Variants in PDE3B observed in about 807,000 individuals in gnomAD.
PDE3B encodes cGMP-inhibited 3',5'-cyclic phosphodiesterase 3B.
Under a neutral mutation model 116.8 loss-of-function variants are expected in PDE3B, and 66 were observed. That is an observed-to-expected ratio of 0.56 (90% CI 0.46 to 0.69). PDE3B has a LOEUF of 0.69. PDE3B is among the 30% of genes least tolerant of loss of function. The pLI is 0.00. For synonymous variants in PDE3B, 595 were observed against 533.6 expected (o/e 1.12, Z -1.59); for missense variants, 1,384 against 1,368.1 (o/e 1.01, Z -0.18).
At chr11:14,887,671 C>T in the PDE3B span, 173 of 983,908 alleles carry the variant, frequency 1.8e-4, no homozygotes, top group South Asian at 6.1e-4. Context: ...TTTCCCTCAC[C>T]CAAACCAGCC....
intron 1 of PDE3B, among the ~76,000 whole-genome samples, chr11:14,683,847 A>G (rs1854786625): frequency 1.3e-5 from 2 of 152,198 alleles, no homozygotes; most frequent in Admixed American, 1.3e-4. Flanking sequence ...GCTGTGTGCC[A>G]TAAATTTTGA....
chr11:14,781,749 A>G (rs1312478688), intron 2 of PDE3B, among the ~76,000 whole-genome samples: 1 of 152,226 alleles, frequency 6.6e-6, no homozygotes, highest in Non-Finnish European at 1.5e-5. Flanking sequence ...GAAAAACAGC[A>G]CAAGACAGGG....
chr11:14,785,129 T>A (rs1162271418), intron 2 of PDE3B, among the ~76,000 whole-genome samples: 1 of 152,128 alleles, frequency 6.6e-6, no homozygotes, highest in Non-Finnish European at 1.5e-5. Context: ...ATTAGAAGTG[T>A]AGATTTGATC....
At chr11:14,690,612 C>G (rs1209772063) in intron 1 of PDE3B, among the ~76,000 whole-genome samples, 1 of 137,820 alleles carries the variant, frequency 7.3e-6, no homozygotes, top group African/African-American at 2.8e-5. Context: ...TGTAATTTTG[C>G]TTCCTTTTTT....
intron 1 of PDE3B, among the ~76,000 whole-genome samples, chr11:14,764,392 A>G (rs1446693501): frequency 6.6e-6 from 1 of 152,112 alleles, no homozygotes; most frequent in Non-Finnish European, 1.5e-5. Context: ...GAGAAGGGCA[A>G]AAGATGGATG....
chr11:14,876,813 C>CA (rs1472018570), downstream of PDE3B, among the ~76,000 whole-genome samples: 1 of 152,128 alleles, frequency 6.6e-6, no homozygotes. Flanking sequence ...TCTTTGATTA[C>CA]ACCATGTAAC....
At chr11:14,655,403 T>C (rs550341658) in intron 1 of PDE3B, among the ~76,000 whole-genome samples, 120 of 152,352 alleles carry the variant, frequency 7.9e-4, no homozygotes, top group African/African-American at 2.6e-3. Flanking sequence ...ATTCCTTTTG[T>C]ATATTTTATT....
intron 2 of PDE3B, chr11:14,776,184 C>T (rs538276051): frequency 6.6e-6 from 1 of 152,310 alleles, no homozygotes; most frequent in East Asian, 1.9e-4. Context: ...ATTCTTTCCC[C>T]AGATTAAACA....
intron 1 of PDE3B, among the ~76,000 whole-genome samples, chr11:14,755,622 G>C (rs1007443439): frequency 1.3e-5 from 2 of 152,060 alleles, no homozygotes; most frequent in Non-Finnish European, 2.9e-5. Context: ...GAGAACACCA[G>C]CTTTGAGTCC....
intron 1 of PDE3B, among the ~76,000 whole-genome samples, chr11:14,701,763 A>G (rs1855367336): frequency 6.6e-6 from 1 of 151,534 alleles, no homozygotes; most frequent in African/African-American, 2.4e-5. Context: ...TTATGGAAAT[A>G]CTGTTTATTT....
Position 14,644,916 on chromosome 11 carries a change from G to C in PDE3B, c.841G>C (p.Ala281Pro), listed in dbSNP as rs1436847647. ...GCCTCTTCATCCTCGACTGTCCAGT[G>C]CCGCCGAAGAAAAAGTGCCTGTGAT... is the stretch of plus-strand genomic sequence containing the variant. The part of the protein sequence containing the change: ...EAPLHPRLSS[A>P]AEEKVPVIRP... Residue 281 changes from alanine to proline, a missense_variant, in exon 1 of 16, where the codon GCC becomes CCC. Coordinates refer to ENST00000282096, the MANE Select transcript of PDE3B (RefSeq NM_000922.4). 1 of 1,614,168 alleles carries C rather than the reference G, an allele frequency of 6.2e-7. No individual in the cohort carries two copies. Among genetic ancestry groups the C allele is most frequent in the East Asian group, 2.2e-5 (1 of 44,876 alleles).
intron 12 of PDE3B, among the ~76,000 whole-genome samples, chr11:14,855,144 C>T (rs971163553): frequency 6.6e-6 from 1 of 151,536 alleles, no homozygotes; most frequent in Non-Finnish European, 1.5e-5. Context: ...GGACATAGAC[C>T]AGGAAGATAA....
intron 1 of PDE3B, among the ~76,000 whole-genome samples, chr11:14,665,593 C>G (rs946280915): frequency 3.3e-5 from 5 of 152,276 alleles, no homozygotes; most frequent in Non-Finnish European, 5.9e-5. Flanking sequence ...AGTCAATGTA[C>G]AAAAATCACA....
chr11:14,662,582 A>C (rs1370689504), intron 1 of PDE3B, among the ~76,000 whole-genome samples: 4 of 152,188 alleles, frequency 2.6e-5, no homozygotes, highest in African/African-American at 9.7e-5. Flanking sequence ...CGAATGTATA[A>C]CTAGAATAAC....
At chr11:14,891,150 C>T in the PDE3B span, 2 of 985,478 alleles carry the variant, frequency 2.0e-6, no homozygotes, top group Admixed American at 6.1e-5. Context: ...TCGGGACACC[C>T]ACACACAAGC....
chr11:14,872,682 A>ATTGG (rs1848155512), downstream of PDE3B, among the ~76,000 whole-genome samples: 1 of 152,130 alleles, frequency 6.6e-6, no homozygotes, highest in Non-Finnish European at 1.5e-5. Context: ...TATGTGGGGG[A>ATTGG]TTGGTTCTAG....
chr11:14,679,472 C>G (rs1854631816), intron 1 of PDE3B, among the ~76,000 whole-genome samples: 1 of 152,052 alleles, frequency 6.6e-6, no homozygotes, highest in African/African-American at 2.4e-5. Flanking sequence ...ACCTAGACGC[C>G]CTCCACCGGT....
Position 14,689,239 on chromosome 11 carries a change from G to A in PDE3B, c.978+44186G>A, listed in dbSNP as rs544220144. Among the ~76,000 whole-genome samples, 3 of 152,284 alleles carry A rather than the reference G, an allele frequency of 2.0e-5. No homozygotes were observed. In the East Asian group the frequency reaches 5.8e-4, roughly 29 times the overall value. ...GCTGAGGGTTAAAATAAAGTTCAAA[G>A]TACTCCCAAGTATTATGGGAATTTG... On this transcript the variant is annotated intron_variant, in intron 1 of 15. Transcript: ENST00000282096.
At chr11:14,645,753 C>G (rs1839360927) in intron 1 of PDE3B, among the ~76,000 whole-genome samples, 1 of 151,772 alleles carries the variant, frequency 6.6e-6, no homozygotes, top group Admixed American at 6.6e-5. Flanking sequence ...CATTTTTTCA[C>G]CATAGGTTTA....
Sources: gnomAD v4.1 joint callset for allele counts (sites outside exome capture counted in the v4.1 genomes callset) on GRCh38, gnomAD v4.1.1 for gene constraint, MANE v1.5 for transcripts, NCBI Gene and HGNC (gene_info 2026-07-23, HGNC 2026-07-21) for gene names.